PPP6R3: variants seen among roughly 807,000 people sequenced by gnomAD.
PPP6R3 encodes the protein protein phosphatase 6 regulatory subunit 3.
In PPP6R3, 38 loss-of-function variants were observed where a neutral mutation model predicts 110.7. That is an observed-to-expected ratio of 0.34 (90% CI 0.26 to 0.45). The LOEUF (loss-of-function observed/expected upper bound fraction) is 0.45. PPP6R3 is among the 20% of genes least tolerant of loss of function. The probability of loss-of-function intolerance (pLI) is 1.00; values close to 1 mark genes in which losing one functional copy is unlikely to be tolerated. For missense variants in PPP6R3, 870 were observed against 1,062.4 expected, an observed-to-expected ratio of 0.82 and a Z score of 2.52; for synonymous variants, 369 against 373.5, an observed-to-expected ratio of 0.99 and a Z score of 0.14.
chr11:68,490,519 T>C (rs1221670523), intron 1 of PPP6R3, among the ~76,000 whole-genome samples: 4 of 152,108 alleles, frequency 2.6e-5, no homozygotes, highest in African/African-American at 9.7e-5. Context: ...TTTGGAAAAA[T>C]CTCCGTCGTT....
At chr11:68,541,734 T>A (rs2099316653) in intron 3 of PPP6R3, among the ~76,000 whole-genome samples, 1 of 152,048 alleles carries the variant, frequency 6.6e-6, no homozygotes, top group Non-Finnish European at 1.5e-5. Flanking sequence ...TGGGCTGGCC[T>A]GGGTTCCACT....
Position 68,500,996 on chromosome 11 carries a change from T to C in PPP6R3, c.-157-18505T>C, listed in dbSNP as rs548998219. Among the ~76,000 whole-genome samples, 101 of 152,324 alleles carry C rather than the reference T, an allele frequency of 6.6e-4. No homozygotes were observed. The South Asian group carries it at 9.7e-3, about 15-fold the overall frequency. On this transcript the variant is annotated intron_variant, in intron 1 of 23. Transcript: ENST00000393800. Reference sequence around the variant, plus strand: ...GTACGGGAGGCCAGTGGCAGTCTGGTCATCTTGAGTGCATCACGCCCTCAC... The same window carrying C: ...GTACGGGAGGCCAGTGGCAGTCTGGCCATCTTGAGTGCATCACGCCCTCAC...
rs1367257028 is a variant in PPP6R3 at position 68,566,821 on chromosome 11, C to CT, written c.976-185dup. Among the ~76,000 whole-genome samples the CT allele has an allele frequency of 1.7e-4, 26 of 151,950 alleles. No individual in the cohort carries two copies. The East Asian group carries it at 2.1e-3, about 12-fold the overall frequency. ...ATTTATGATCCAGGGAAATTCCTTG[C>CT]TTTTTTTTCCTTTTTCCTGCTTGGT... On this transcript the variant is annotated intron_variant, in intron 9 of 23. Transcript: ENST00000393800.
intron 3 of PPP6R3, among the ~76,000 whole-genome samples, chr11:68,543,254 T>C (rs954782824): frequency 2.0e-5 from 3 of 152,178 alleles, no homozygotes; most frequent in Non-Finnish European, 4.4e-5. Flanking sequence ...AGTGTGACTC[T>C]AGTAGCTGCA....
intron 6 of PPP6R3, among the ~76,000 whole-genome samples, chr11:68,553,293 CTTTTTTT>C (rs35624425): frequency 4.3e-5 from 6 of 138,676 alleles, no homozygotes; most frequent in African/African-American, 1.6e-4. Flanking sequence ...TTTGCTTTTA[CTTTTTTT>C]TTTTTTTTTT....
At position 68,567,184 on chromosome 11, in the gene PPP6R3, C is replaced by T. The variant is rs1219714560; in HGVS notation, c.1128+18C>T. 1.3e-6 allele frequency: 2 copies of T among 1,518,442 alleles called. No individual in the cohort carries two copies. Among genetic ancestry groups the T allele is most frequent in the African/African-American group, 1.4e-5 (1 of 72,124 alleles). 94.1% of individuals were successfully genotyped at this position (1,518,442 alleles called of 1,614,324 possible). A position where few individuals can be genotyped will look rare whatever the true frequency, so the allele number is the denominator to read the frequency against. ...TCATATTGGTGAGATTTTCCCTGCT[C>T]ACAGACATTTTAATTTGCCATTGAT... On this transcript the variant is annotated intron_variant, in intron 10 of 23. Coordinates refer to ENST00000393800, the MANE Select transcript of PPP6R3 (RefSeq NM_001164161.2).
chr11:68,540,603 A>G (rs2153657683), intron 3 of PPP6R3, among the ~76,000 whole-genome samples: 1 of 152,272 alleles, frequency 6.6e-6, no homozygotes, highest in South Asian at 2.1e-4. Flanking sequence ...TTAGGCGGGA[A>G]GTTCCTCTTC....
chr11:68,461,867 C>T (rs914726487), intron 1 of PPP6R3, among the ~76,000 whole-genome samples: 1 of 152,122 alleles, frequency 6.6e-6, no homozygotes, highest in Non-Finnish European at 1.5e-5. Flanking sequence ...TGCAGATAGG[C>T]TTCAAGGGGG....
At chr11:68,552,481 C>G (rs764909464) in intron 6 of PPP6R3, among the ~76,000 whole-genome samples, 10 of 152,234 alleles carry the variant, frequency 6.6e-5, no homozygotes, top group Non-Finnish European at 1.2e-4. Flanking sequence ...AAGGTATGCT[C>G]CTTTGCAGTA....
intron 8 of PPP6R3, among the ~76,000 whole-genome samples, chr11:68,561,065 T>A (rs1025106552): frequency 2.6e-5 from 4 of 151,854 alleles, no homozygotes; most frequent in Non-Finnish European, 5.9e-5. Flanking sequence ...CCCAGCTAAC[T>A]TTTTTTGTAT....
chr11:68,557,366 T>C (rs1166395979), intron 7 of PPP6R3, among the ~76,000 whole-genome samples: 1 of 152,150 alleles, frequency 6.6e-6, no homozygotes, highest in Non-Finnish European at 1.5e-5. Context: ...TTTCCTGCCC[T>C]ACGTTGGCAA....
chr11:68,615,131 G>A lies in PPP6R3; in HGVS notation c.*2014G>A. On this transcript the variant is annotated 3_prime_UTR_variant, in exon 24 of 24. Coordinates refer to ENST00000393800, the MANE Select transcript of PPP6R3 (RefSeq NM_001164161.2). ...CATTTTGTTTTGTCTTTCGTAGCAG[G>A]GAAAGGATATGACAATGGGGAGGAC... 2 of 458,114 alleles carry A rather than the reference G, an allele frequency of 4.4e-6. No homozygotes were observed. Among genetic ancestry groups the A allele is most frequent in the Non-Finnish European group, 8.8e-6 (2 of 228,246 alleles). 28.4% of individuals were successfully genotyped at this position (458,114 alleles called of 1,614,324 possible).
intron 3 of PPP6R3, 151 bp from the exon 4 acceptor site, chr11:68,544,687 G>T: frequency 1.7e-6 from 1 of 578,560 alleles, no homozygotes; most frequent in Non-Finnish European, 2.9e-6. Flanking sequence ...CTGGAGGTAG[G>T]TTGAACAGAA....
At chr11:68,569,938 G>A in intron 11 of PPP6R3, 41 bp downstream of exon 11, 2 of 1,548,728 alleles carry the variant, frequency 1.3e-6, no homozygotes, top group Non-Finnish European at 1.8e-6. Flanking sequence ...CTCTCTCCTG[G>A]TTATAGCAGT....
At position 68,610,044 on chromosome 11, in the gene PPP6R3, A is replaced by G. The variant is rs376047651; in HGVS notation, c.2570+21A>G. 1.4e-4 allele frequency: 233 copies of G among 1,611,502 alleles called. 1 individual carries two copies. The East Asian group carries it at 3.6e-3, about 25-fold the overall frequency. On this transcript the variant is annotated intron_variant, in intron 23 of 23. Transcript: ENST00000393800. ...CAGAGGTAACCACCCGCCTCCTCAAACCCACCCAGGCCCTGCCCTGACCTT... is the reference window on the plus strand; with the variant it reads ...CAGAGGTAACCACCCGCCTCCTCAAGCCCACCCAGGCCCTGCCCTGACCTT...
intron 19 of PPP6R3, among the ~76,000 whole-genome samples, chr11:68,598,649 G>A (rs908810584): frequency 6.6e-6 from 1 of 152,206 alleles, no homozygotes; most frequent in African/African-American, 2.4e-5. Context: ...TGGAGGTTTT[G>A]TGGACATTCA....
intron 14 of PPP6R3, among the ~76,000 whole-genome samples, chr11:68,577,427 T>TA (rs2099536244): frequency 6.6e-6 from 1 of 152,240 alleles, no homozygotes; most frequent in East Asian, 1.9e-4. Flanking sequence ...TGTCTTGTCT[T>TA]ATAAAGGAAT....
chr11:68,555,590 G>T (rs1242784065), intron 7 of PPP6R3, among the ~76,000 whole-genome samples: 1 of 152,200 alleles, frequency 6.6e-6, no homozygotes, highest in Non-Finnish European at 1.5e-5. Context: ...TCATTGCTAA[G>T]TTCTTCGTGC....
intron 1 of PPP6R3, among the ~76,000 whole-genome samples, chr11:68,504,051 G>A (rs1360028923): frequency 6.6e-6 from 1 of 152,150 alleles, no homozygotes; most frequent in Admixed American, 6.5e-5. Flanking sequence ...AATTAGAAGC[G>A]CACATTCTTT....
Sources: gnomAD v4.1 joint callset for allele counts (sites outside exome capture counted in the v4.1 genomes callset) on GRCh38, gnomAD v4.1.1 for gene constraint, MANE v1.5 for transcripts, NCBI Gene and HGNC (gene_info 2026-07-23, HGNC 2026-07-21) for gene names.